GOLIM4: variants seen among roughly 807,000 people sequenced by gnomAD.
The protein encoded by GOLIM4 is 130 kDa golgi-localized phosphoprotein.
GOLIM4 carries 71 observed loss-of-function variants against 107.4 expected under a neutral mutation model. The observed-to-expected ratio is 0.66, with a 90% confidence interval of 0.55 to 0.81. GOLIM4 has a LOEUF of 0.81. Among genes scored for constraint, GOLIM4 ranks in the 30% least tolerant of loss-of-function variants. The probability of loss-of-function intolerance (pLI) is 0.00; values close to 1 mark genes in which losing one functional copy is unlikely to be tolerated. For missense variants in GOLIM4, 830 were observed against 826.1 expected, an observed-to-expected ratio of 1.00 and a Z score of -0.06; for synonymous variants, 327 against 294.8, an observed-to-expected ratio of 1.11 and a Z score of -1.12.
intron 13 of GOLIM4, 128 bp from the exon 14 acceptor site, chr3:168,024,722 T>C (rs1231532992): frequency 1.2e-6 from 1 of 864,476 alleles, no homozygotes; most frequent in African/African-American, 1.7e-5. Context: ...GGCCAGGAAA[T>C]GATGAGTAAT....
rs1242593674 is a variant in GOLIM4 at position 168,095,570 on chromosome 3, C to T, written c.-285G>A. The T allele has an allele frequency of 2.5e-6, 1 of 395,816 alleles. No individual in the cohort carries two copies. The highest frequency in any genetic ancestry group is 5.6e-5 in the East Asian group (1 of 17,860). 24.5% of individuals were successfully genotyped at this position (395,816 alleles called of 1,614,324 possible). A position where few individuals can be genotyped will look rare whatever the true frequency, so the allele number is the denominator to read the frequency against. Reference sequence around the variant, plus strand: ...GGAGGCCCTCCGCATACTTCAGAGCCGGCTGCCCTCGCGCCTGTCCCCAGA... The same window carrying T: ...GGAGGCCCTCCGCATACTTCAGAGCTGGCTGCCCTCGCGCCTGTCCCCAGA... On this transcript the variant is annotated 5_prime_UTR_variant, in exon 1 of 16. Transcript: ENST00000470487.
chr3:168,014,772 G>C (rs1717268143), intron 14 of GOLIM4, among the ~76,000 whole-genome samples: 1 of 141,164 alleles, frequency 7.1e-6, no homozygotes, highest in Non-Finnish European at 1.5e-5. Context: ...CATATAAACA[G>C]AGCCAAAGAC....
At chr3:168,025,229 C>T (rs1717932462) in intron 12 of GOLIM4, 134 bp from the exon 13 acceptor site, 2 of 673,550 alleles carry the variant, frequency 3.0e-6, no homozygotes, top group Non-Finnish European at 2.5e-6. Flanking sequence ...CTTGCCAAGA[C>T]TCACAAGAAT....
chr3:168,039,207 G>A (rs189053392), intron 7 of GOLIM4, among the ~76,000 whole-genome samples: 4 of 150,022 alleles, frequency 2.7e-5, no homozygotes, highest in Admixed American at 1.3e-4. Context: ...GAGCATCCTC[G>A]CCAAAAAAGA....
intron 1 of GOLIM4, among the ~76,000 whole-genome samples, chr3:168,081,836 T>G (rs1045759251): frequency 6.6e-6 from 1 of 152,158 alleles, no homozygotes; most frequent in Non-Finnish European, 1.5e-5. Flanking sequence ...TACTAATGGA[T>G]TCTAGGAATG....
Position 168,041,395 on chromosome 3 carries a change from G to C in GOLIM4, c.597C>G (p.Val199=). The C allele has an allele frequency of 6.4e-7, 1 of 1,564,970 alleles. No individual in the cohort carries two copies. The highest frequency in any genetic ancestry group is 1.3e-5 in the African/African-American group (1 of 74,076). The change falls in exon 6 of 16, where the codon GTC becomes GTG. Residue 199 remains valine (V), a synonymous_variant. Transcript: ENST00000470487. Reference sequence around the variant, plus strand: ...GAAACGTTTGGTTTTCTTTTACCTTGACATCTTGAAGCTGTGTATGTATGT... The same window carrying C: ...GAAACGTTTGGTTTTCTTTTACCTTCACATCTTGAAGCTGTGTATGTATGT... The part of the protein sequence containing the change: ...HQDIHTQLQD[V]KQQHKNLLSE...
At chr3:168,064,198 A>T (rs571084757) in intron 1 of GOLIM4, among the ~76,000 whole-genome samples, 39 of 152,194 alleles carry the variant, frequency 2.6e-4, no homozygotes, top group Non-Finnish European at 5.0e-4. Flanking sequence ...CTCTGTCCAC[A>T]GTCTTTTTAT....
intron 14 of GOLIM4, among the ~76,000 whole-genome samples, chr3:168,014,531 C>A (rs1292883696): frequency 1.1e-4 from 14 of 128,690 alleles, no homozygotes; most frequent in African/African-American, 6.2e-4. Context: ...TCCTCCCTAA[C>A]TCATTTTATG....
chr3:168,010,719 T>C (rs377464933), intron 15 of GOLIM4, 24 bp downstream of exon 15: 10 of 1,527,362 alleles, frequency 6.5e-6, no homozygotes, highest in Admixed American at 5.0e-5. Context: ...AAGTGCTCAA[T>C]AGAAATATGT....
chr3:168,048,095 A>G (rs1433804500), intron 2 of GOLIM4, among the ~76,000 whole-genome samples, 196 bp downstream of exon 2: 1 of 152,220 alleles, frequency 6.6e-6, no homozygotes, highest in African/African-American at 2.4e-5. Context: ...TGAATACAGT[A>G]TTCTAAATCC....
At chr3:168,058,990 G>A (rs758653324) in intron 1 of GOLIM4, among the ~76,000 whole-genome samples, 2 of 152,122 alleles carry the variant, frequency 1.3e-5, no homozygotes, top group African/African-American at 2.4e-5. Context: ...GAGGGGAAGC[G>A]AGAGAAGAGG....
Position 168,045,690 on chromosome 3 carries a change from A to G in GOLIM4, c.313-809T>C, listed in dbSNP as rs185688962. Among the ~76,000 whole-genome samples, 108 of 152,292 alleles carry G rather than the reference A, an allele frequency of 7.1e-4. 1 individual carries two copies. Among genetic ancestry groups the G allele is most frequent in the African/African-American group, 2.5e-3 (102 of 41,572 alleles). On this transcript the variant is annotated intron_variant, in intron 3 of 15. Transcript: ENST00000470487. ...ATATCCCTCACTTTACCCTGCCAGC[A>G]CAAGTATACACTCATGCATTTTTTT... is the stretch of plus-strand genomic sequence containing the variant.
intron 14 of GOLIM4, among the ~76,000 whole-genome samples, chr3:168,021,635 C>G (rs1018530987): frequency 6.6e-6 from 1 of 151,976 alleles, no homozygotes; most frequent in Non-Finnish European, 1.5e-5. Context: ...CATTGCACTC[C>G]AGCCTGGGTG....
chr3:168,024,445 G>C, intron 14 of GOLIM4, 81 bp downstream of exon 14: 1 of 1,049,970 alleles, frequency 9.5e-7, no homozygotes, highest in Non-Finnish European at 1.5e-6. Flanking sequence ...GCATGTCAAA[G>C]TCAATACTGC....
chr3:168,025,429 G>T (rs1717941163), intron 12 of GOLIM4, among the ~76,000 whole-genome samples: 1 of 150,618 alleles, frequency 6.6e-6, no homozygotes, highest in South Asian at 2.1e-4. Flanking sequence ...AGAGGACCAA[G>T]TGACAAAAAA....
At position 168,083,367 on chromosome 3, in the gene GOLIM4, C is replaced by T. The variant is rs114726673; in HGVS notation, c.187+11732G>A. Among the ~76,000 whole-genome samples the T allele has an allele frequency of 7.1e-3, 1,084 of 152,296 alleles. 9 individuals are homozygous for T. Among genetic ancestry groups the T allele is most frequent in the African/African-American group, 0.025 (1,033 of 41,562 alleles). On this transcript the variant is annotated intron_variant, in intron 1 of 15. Coordinates refer to ENST00000470487, the MANE Select transcript of GOLIM4 (RefSeq NM_014498.5). ...ACATGCTGCAGTGCATTCATATCTACTTGCCAAAGAAACAGTTCGCATATT... is the reference window on the plus strand; with the variant it reads ...ACATGCTGCAGTGCATTCATATCTATTTGCCAAAGAAACAGTTCGCATATT...
Position 168,036,836 on chromosome 3 carries a change from C to T in GOLIM4, c.843G>A (p.Glu281=), listed in dbSNP as rs1300179085. 1.2e-6 allele frequency: 2 copies of T among 1,611,696 alleles called. No individual in the cohort carries two copies. The highest frequency in any genetic ancestry group is 1.7e-6 in the Non-Finnish European group (2 of 1,178,424). Residue 281 remains glutamate, a splice_region_variant and synonymous_variant, in exon 8 of 16, where the codon GAG becomes GAA. Coordinates refer to ENST00000470487, the MANE Select transcript of GOLIM4 (RefSeq NM_014498.5). ...AREKPTREVQ[E]VSRNNDVWQN... is the part of the protein sequence containing the mutation. ...TAGATTACCAGTTCACGCCCCTTAC[C>T]TCCTGCACCTCTCGGGTTGGCTTCT...
chr3:168,026,012 T>C (rs368772894), intron 12 of GOLIM4, among the ~76,000 whole-genome samples: 3 of 152,160 alleles, frequency 2.0e-5, no homozygotes, highest in Non-Finnish European at 4.4e-5. Context: ...TGTAAATGCT[T>C]CTAAGAGACA....
chr3:168,025,972 C>T (rs1408467789), intron 12 of GOLIM4, among the ~76,000 whole-genome samples: 1 of 152,122 alleles, frequency 6.6e-6, no homozygotes, highest in African/African-American at 2.4e-5. Flanking sequence ...CCCAATCACT[C>T]GCAGGTCATC....
Sources: allele counts gnomAD v4.1 joint callset (sites outside exome capture counted in the v4.1 genomes callset), GRCh38; gene constraint gnomAD v4.1.1; transcripts MANE v1.5; gene names NCBI Gene and HGNC (gene_info 2026-07-23, HGNC 2026-07-21).